The following SEC11A variants were observed in gnomAD, a reference collection of about 807,000 sequenced individuals.
The protein encoded by SEC11A is signal peptidase complex catalytic subunit SEC11A.
Under a neutral mutation model 25.6 loss-of-function variants are expected in SEC11A, and 14 were observed. That is an observed-to-expected ratio of 0.55 (90% CI 0.36 to 0.85). The LOEUF (loss-of-function observed/expected upper bound fraction) is 0.85, where lower values mean the gene tolerates loss of function less well. Ranked by LOEUF, SEC11A falls within the 40% of genes least tolerant of loss-of-function variation. SEC11A has a pLI of 0.01. For missense variants in SEC11A, 153 were observed against 222.9 expected (o/e 0.69, Z 2.00); for synonymous variants, 83 against 76.4 (o/e 1.09, Z -0.45).
At chr15:84,681,796 CAGGGGCAGTGGCTCA>C (rs1475608614) in intron 3 of SEC11A, among the ~76,000 whole-genome samples, 3 of 151,970 alleles carry the variant, frequency 2.0e-5, no homozygotes, top group African/African-American at 7.3e-5. Context: ...ATTGTTTGGC[CAGGGGCAGTGGCTCA>C]CTCCTGTAAT....
chr15:84,705,649 G>A (rs1417960748), intron 1 of SEC11A, among the ~76,000 whole-genome samples: 4 of 151,880 alleles, frequency 2.6e-5, no homozygotes, highest in Non-Finnish European at 5.9e-5. Context: ...GAGGTCATGA[G>A]TTCGAGACTA....
chr15:84,704,620 A>G (rs2141917592), intron 1 of SEC11A, among the ~76,000 whole-genome samples: 1 of 152,258 alleles, frequency 6.6e-6, no homozygotes, highest in South Asian at 2.1e-4. Flanking sequence ...TGTGTGTTGG[A>G]AGCCTGATAG....
intron 1 of SEC11A, among the ~76,000 whole-genome samples, chr15:84,699,216 G>T (rs1392806433): frequency 6.6e-6 from 1 of 151,118 alleles, no homozygotes; most frequent in Non-Finnish European, 1.5e-5. Context: ...TCGGGAGGTT[G>T]AGGTGGGAGG....
chr15:84,713,110 C>T (rs1275175346), intron 1 of SEC11A, among the ~76,000 whole-genome samples: 1 of 150,560 alleles, frequency 6.6e-6, no homozygotes, highest in African/African-American at 2.4e-5. Context: ...AGGAGAATGG[C>T]GTGAACCTGG....
rs370703271 is a variant in SEC11A at position 84,680,838 on chromosome 15, A to G, written c.312-6T>C. 4 of 1,604,482 alleles carry G rather than the reference A, an allele frequency of 2.5e-6. No individual in the cohort carries two copies. Among genetic ancestry groups the G allele is most frequent in the African/African-American group, 1.3e-5 (1 of 74,524 alleles). ...ACTTGATATGCCCATTTTGCCTTAA[A>G]AGAGTAAAGGAAACCCAAGTCATCA... On this transcript the variant is annotated splice_region_variant and splice_polypyrimidine_tract_variant and intron_variant, in intron 3 of 5. Transcript: ENST00000268220.
chr15:84,670,910 T>G (rs1390269619), intron 4 of SEC11A, 128 bp from the exon 5 acceptor site: 1 of 473,842 alleles, frequency 2.1e-6, no homozygotes, highest in Non-Finnish European at 3.8e-6. Context: ...TTCTATATAC[T>G]GCCCTATTTG....
chr15:84,692,024 C>CTTTTTTTTTTT (rs59177902), intron 1 of SEC11A: 1 of 127,336 alleles, frequency 7.9e-6, no homozygotes, highest in African/African-American at 3.0e-5. Context: ...TTTTCTTTTT[C>CTTTTTTTTTTT]TTTTTTTTTT....
intron 1 of SEC11A, among the ~76,000 whole-genome samples, chr15:84,715,679 G>A (rs1309848601): frequency 6.6e-6 from 1 of 152,200 alleles, no homozygotes; most frequent in Non-Finnish European, 1.5e-5. Flanking sequence ...CGCTCCGACT[G>A]GAGAAATCAA....
intron 1 of SEC11A, among the ~76,000 whole-genome samples, chr15:84,694,923 C>T (rs1897717518): frequency 6.6e-6 from 1 of 151,216 alleles, no homozygotes; most frequent in Non-Finnish European, 1.5e-5. Flanking sequence ...AACCCCATCT[C>T]TACTAAAAAT....
intron 1 of SEC11A, among the ~76,000 whole-genome samples, chr15:84,707,105 C>A (rs1044548099): frequency 2.0e-5 from 3 of 151,522 alleles, no homozygotes; most frequent in Non-Finnish European, 2.9e-5. Context: ...AGAAGAGCTG[C>A]TTAGTGACAT....
chr15:84,693,593 G>A (rs1453928174), intron 1 of SEC11A, among the ~76,000 whole-genome samples: 1 of 151,812 alleles, frequency 6.6e-6, no homozygotes, highest in Non-Finnish European at 1.5e-5. Flanking sequence ...AAGTAGCTGG[G>A]ATTACAATGG....
intron 3 of SEC11A, among the ~76,000 whole-genome samples, chr15:84,681,477 A>G (rs1376886803): frequency 6.6e-6 from 1 of 152,108 alleles, no homozygotes; most frequent in Non-Finnish European, 1.5e-5. Flanking sequence ...TAAAAATACA[A>G]AAATAAGCTG....
At chr15:84,710,230 T>C (rs1898220030) in intron 1 of SEC11A, among the ~76,000 whole-genome samples, 1 of 152,216 alleles carries the variant, frequency 6.6e-6, no homozygotes, top group Admixed American at 6.5e-5. Context: ...ATTATATAAG[T>C]AGTCCATGTT....
intron 1 of SEC11A, among the ~76,000 whole-genome samples, chr15:84,711,781 CAAAAAAAA>C (rs60088964): frequency 2.1e-5 from 2 of 93,106 alleles, no homozygotes; most frequent in Non-Finnish European, 4.3e-5. Flanking sequence ...GACTCTATCT[CAAAAAAAA>C]AAAAAAAAAA....
At chr15:84,676,959 C>G (rs913449812) in intron 4 of SEC11A, among the ~76,000 whole-genome samples, 4 of 151,886 alleles carry the variant, frequency 2.6e-5, no homozygotes, top group African/African-American at 9.7e-5. Flanking sequence ...GGTGTGATAG[C>G]ATGCACCTGT....
At chr15:84,711,687 C>T (rs969036762) in intron 1 of SEC11A, among the ~76,000 whole-genome samples, 26 of 148,896 alleles carry the variant, frequency 1.7e-4, no homozygotes, top group South Asian at 2.2e-4. Flanking sequence ...GACGTGGTGG[C>T]GCACACCTGT....
At chr15:84,700,134 T>C (rs1897886099) in intron 1 of SEC11A, among the ~76,000 whole-genome samples, 1 of 151,904 alleles carries the variant, frequency 6.6e-6, no homozygotes. Flanking sequence ...CTCAAGAATA[T>C]TTATGCAAAT....
chr15:84,675,526 T>C (rs1897111487), intron 4 of SEC11A, among the ~76,000 whole-genome samples: 1 of 152,230 alleles, frequency 6.6e-6, no homozygotes, highest in South Asian at 2.1e-4. Flanking sequence ...AAAAGGATCA[T>C]CTTGTTTCTA....
rs572540902 is a variant in SEC11A, at chr15:84,701,991, C to T, written c.52-10347G>A. Among the ~76,000 whole-genome samples, 19 of 150,160 alleles carry T rather than the reference C, an allele frequency of 1.3e-4. No homozygotes were observed. In the South Asian group the frequency reaches 3.8e-3, roughly 30 times the overall value. ...CTGAGGCAGGAGAATTGCTTGAACC[C>T]GGGAGGCGGAGGTGGCAGTGAACCG... On this transcript the variant is annotated intron_variant, in intron 1 of 5. Transcript: ENST00000268220.
Sources: allele counts gnomAD v4.1 joint callset (sites outside exome capture counted in the v4.1 genomes callset), GRCh38; gene constraint gnomAD v4.1.1; transcripts MANE v1.5; gene names NCBI Gene and HGNC (gene_info 2026-07-23, HGNC 2026-07-21).